TRANK1: variants seen among roughly 807,000 people sequenced by gnomAD.
TRANK1 encodes TPR and ankyrin repeat-containing protein 1.
In TRANK1, 198 loss-of-function variants were observed where a neutral mutation model predicts 266.0. That is an observed-to-expected ratio of 0.74 (90% CI 0.66 to 0.84). TRANK1 has a LOEUF of 0.84. TRANK1 is among the 40% of genes least tolerant of loss of function. TRANK1 has a pLI of 0.00. For synonymous variants in TRANK1, 1,396 were observed against 1,384.1 expected, an observed-to-expected ratio of 1.01 and a Z score of -0.19; for missense variants, 3,326 against 3,634.6, an observed-to-expected ratio of 0.92 and a Z score of 2.18.
rs935116150 is a variant in TRANK1 at position 36,832,323 on chromosome 3, G to A, written c.7260C>T (p.Tyr2420=). Residue 2420 remains tyrosine, a synonymous_variant, in exon 22 of 24, where the codon TAC becomes TAT. Transcript: ENST00000645898. Reference sequence around the variant, plus strand: ...GCCTCTTGTAGTCTTCTGGGTTCCTGTACACGTAGAATTGATCAATGCAAT... The same window carrying A: ...GCCTCTTGTAGTCTTCTGGGTTCCTATACACGTAGAATTGATCAATGCAAT... ...LENCIDQFYV[Y]RNPEDYKRLF... 12 of 1,613,876 alleles carry A rather than the reference G, an allele frequency of 7.4e-6. No individual in the cohort carries two copies. The highest frequency in any genetic ancestry group is 1.0e-5 in the Non-Finnish European group (12 of 1,179,904).
chr3:36,833,673 C>T lies in TRANK1; in HGVS notation c.5910G>A (p.Lys1970=), dbSNP rs751150998. ...CAGCCTCCAGGAGGCAGCCATGTTG[C>T]TTCATCAGCAGGGCAGCCTCTTCTC... is the stretch of plus-strand genomic sequence containing the variant. ...GRREEAALLM[K]QHGCLLEAAR... is the part of the protein sequence containing the mutation. Residue 1970 remains lysine (K), a synonymous_variant, in exon 22 of 24, where the codon AAG becomes AAA. Transcript: ENST00000645898. 3.7e-6 allele frequency: 6 copies of T among 1,613,896 alleles called. No individual in the cohort carries two copies. The highest frequency in any genetic ancestry group is 1.7e-5 in the Admixed American group (1 of 60,006).
chr3:36,834,713 G>A (rs747152130), intron 21 of TRANK1, 49 bp downstream of exon 21: 1 of 1,576,522 alleles, frequency 6.3e-7, no homozygotes, highest in Non-Finnish European at 8.6e-7. Context: ...TGCCCCCAGA[G>A]AGAAGTGGGA....
chr3:36,944,800 G>A lies in TRANK1; in HGVS notation c.10C>T (p.Pro4Ser). The A allele has an allele frequency of 6.7e-7, 1 of 1,492,640 alleles. No homozygotes were observed. The highest frequency in any genetic ancestry group is 8.9e-7 in the Non-Finnish European group (1 of 1,128,244). The allele number at this position is 1,492,640 out of a possible 1,614,324, so 92.5% of individuals were successfully genotyped here. MWD[P>S]RAARMDLTAY... ...GCCGCTACGCACCTAGCTGCCCGCG[G>A]GTCCCACATGGCTGCGGCCGGAGGG... is the stretch of plus-strand genomic sequence containing the variant. The change falls in exon 1 of 24, where the codon CCG (proline) becomes TCG (serine). Residue 4 changes from proline (P) to serine (S), a missense_variant. Coordinates refer to ENST00000645898, the MANE Select transcript of TRANK1 (RefSeq NM_001329998.2).
intron 8 of TRANK1, among the ~76,000 whole-genome samples, chr3:36,881,389 C>T (rs2079529624): frequency 6.6e-6 from 1 of 151,960 alleles, no homozygotes; most frequent in Admixed American, 6.6e-5. Context: ...GCAGAGCTTG[C>T]AGTGAGCAGA....
intron 9 of TRANK1, among the ~76,000 whole-genome samples, chr3:36,864,864 C>T (rs1160760052): frequency 1.3e-5 from 2 of 151,952 alleles, no homozygotes; most frequent in African/African-American, 4.8e-5. Context: ...AAACTGAGAC[C>T]CTATAGATGT....
chr3:36,917,357 A>C (rs2080140703), intron 1 of TRANK1, among the ~76,000 whole-genome samples: 1 of 152,232 alleles, frequency 6.6e-6, no homozygotes, highest in Non-Finnish European at 1.5e-5. Flanking sequence ...AAATGGGAAA[A>C]AAGAAATATA....
chr3:36,932,715 A>G (rs1355469278), intron 1 of TRANK1, among the ~76,000 whole-genome samples: 1 of 152,214 alleles, frequency 6.6e-6, no homozygotes, highest in African/African-American at 2.4e-5. Flanking sequence ...GTGTGTGTAC[A>G]TTTCATCTAT....
chr3:36,832,219 A>T lies in TRANK1; in HGVS notation c.7364T>A (p.Leu2455His). ...ACAGTGGATGAACTGGAACTCCAGGAGGGCTACTGTGTTTCCAATGCTGGG... is the reference window on the plus strand; with the variant it reads ...ACAGTGGATGAACTGGAACTCCAGGTGGGCTACTGTGTTTCCAATGCTGGG... ...LIPSIGNTVA[L>H]LEFQFIHCGV... Residue 2455 changes from leucine (L) to histidine (H), a missense_variant, in exon 22 of 24, where the codon CTC becomes CAC. Transcript: ENST00000645898. 6.2e-7 allele frequency: 1 copy of T among 1,613,980 alleles called. No individual in the cohort carries two copies.
At chr3:36,894,611 C>T (rs1412469741) in intron 5 of TRANK1, among the ~76,000 whole-genome samples, 2 of 152,300 alleles carry the variant, frequency 1.3e-5, no homozygotes, top group Admixed American at 6.5e-5. Flanking sequence ...CAGGAGGTTT[C>T]CCATGAACCC....
In TRANK1 at chr3:36,830,971, G is replaced by T; in HGVS notation, c.8612C>A (p.Ser2871Tyr). 6.2e-7 allele frequency: 1 copy of T among 1,613,970 alleles called. No individual in the cohort carries two copies. The highest frequency in any genetic ancestry group is 8.5e-7 in the Non-Finnish European group (1 of 1,179,870). Residue 2871 changes from serine to tyrosine, a missense_variant, in exon 22 of 24, where the codon TCC becomes TAC. By Grantham distance (144) the Ser-to-Tyr change is moderately radical. Coordinates refer to ENST00000645898, the MANE Select transcript of TRANK1 (RefSeq NM_001329998.2). ...CTGCAGCATGTGGCTGTGCTCCTTG[G>T]AGCCCACGTGACTGTGGATCCATAC... The part of the protein sequence containing the change: ...QSVWIHSHVG[S>Y]KEHSHMLQKV...
chr3:36,930,629 A>G (rs2080349008), intron 1 of TRANK1, among the ~76,000 whole-genome samples: 1 of 152,260 alleles, frequency 6.6e-6, no homozygotes, highest in South Asian at 2.1e-4. Context: ...AAAAGGAACA[A>G]ATTGCTGATA....
At chr3:36,928,370 T>C (rs2080317248) in intron 1 of TRANK1, among the ~76,000 whole-genome samples, 1 of 152,204 alleles carries the variant, frequency 6.6e-6, no homozygotes, top group African/African-American at 2.4e-5. Context: ...ACAGCCAACT[T>C]TAAAGTCCTG....
At chr3:36,864,250 G>T in intron 10 of TRANK1, 69 bp downstream of exon 10, 1 of 1,388,142 alleles carries the variant, frequency 7.2e-7, no homozygotes, top group East Asian at 2.5e-5. Context: ...TTTCTGAACA[G>T]ATATTAGAAA....
At chr3:36,892,106 C>A in intron 7 of TRANK1, 96 bp downstream of exon 7, 2 of 1,377,104 alleles carry the variant, frequency 1.5e-6, no homozygotes, top group South Asian at 1.4e-5. Flanking sequence ...GGTCTGCATT[C>A]AAGTGGCTTA....
chr3:36,841,251 C>A (rs1410324149), intron 18 of TRANK1, among the ~76,000 whole-genome samples: 7 of 152,142 alleles, frequency 4.6e-5, no homozygotes, highest in Non-Finnish European at 5.9e-5. Flanking sequence ...TCCAAAGCGG[C>A]AAGAGAAAGT....
At chr3:36,868,638 T>C (rs1314197941) in intron 9 of TRANK1, among the ~76,000 whole-genome samples, 1 of 152,186 alleles carries the variant, frequency 6.6e-6, no homozygotes, top group Non-Finnish European at 1.5e-5. Flanking sequence ...TAAGACTAAA[T>C]GACCAAATCA....
At chr3:36,843,362 A>C (rs1038511955) in intron 17 of TRANK1, among the ~76,000 whole-genome samples, 2 of 152,200 alleles carry the variant, frequency 1.3e-5, no homozygotes, top group Non-Finnish European at 2.9e-5. Flanking sequence ...GAAAACCCAA[A>C]GTCAAGTGGC....
At chr3:36,896,533 T>C (rs1469204888) in intron 4 of TRANK1, among the ~76,000 whole-genome samples, 1 of 152,172 alleles carries the variant, frequency 6.6e-6, no homozygotes, top group Non-Finnish European at 1.5e-5. Context: ...AAGGAGTACT[T>C]TGGTAAAGTA....
intron 8 of TRANK1, among the ~76,000 whole-genome samples, chr3:36,879,326 A>G (rs938885457): frequency 2.0e-5 from 3 of 151,726 alleles, no homozygotes; most frequent in African/African-American, 7.3e-5. Flanking sequence ...GAAATAATAT[A>G]CCATGGTATT....
Sources: gnomAD v4.1 joint callset for allele counts (sites outside exome capture counted in the v4.1 genomes callset) on GRCh38, gnomAD v4.1.1 for gene constraint, MANE v1.5 for transcripts, NCBI Gene and HGNC (gene_info 2026-07-23, HGNC 2026-07-21) for gene names.